Variants in MBTPS1 observed in about 807,000 individuals in gnomAD.
MBTPS1 encodes membrane bound transcription factor peptidase, site 1.
In MBTPS1, 94 loss-of-function variants were observed where a neutral mutation model predicts 127.8. That is an observed-to-expected ratio of 0.74 (90% CI 0.62 to 0.87). The LOEUF is 0.87. Among genes scored for constraint, MBTPS1 ranks in the 40% least tolerant of loss-of-function variants. The probability of loss-of-function intolerance (pLI) is 0.00; values close to 1 mark genes in which losing one functional copy is unlikely to be tolerated. For synonymous variants in MBTPS1, 632 were observed against 509.4 expected (o/e 1.24, Z -3.24); for missense variants, 1,636 against 1,353.2 (o/e 1.21, Z -3.28).
chr16:84,116,554 G>A (rs1336879854), intron 1 of MBTPS1, among the ~76,000 whole-genome samples, 181 bp downstream of exon 1: 1 of 152,182 alleles, frequency 6.6e-6, no homozygotes, highest in Non-Finnish European at 1.5e-5. Flanking sequence ...CCGCAGGGCC[G>A]CGGTACAGGC....
intron 15 of MBTPS1, 68 bp from the exon 16 acceptor site, chr16:84,067,891 C>A (rs1209992590): frequency 2.1e-6 from 3 of 1,460,932 alleles, no homozygotes; most frequent in Admixed American, 1.9e-5. Flanking sequence ...ACGGCAGAAA[C>A]AGTGTCACCA....
At chr16:84,087,006 TGAG>T (rs1233436299) in intron 9 of MBTPS1, among the ~76,000 whole-genome samples, 1 of 152,280 alleles carries the variant, frequency 6.6e-6, no homozygotes, top group East Asian at 1.9e-4. Context: ...CACCTACCAC[TGAG>T]GAGGACTGCT....
At chr16:84,115,180 G>A (rs1282110389) in intron 1 of MBTPS1, among the ~76,000 whole-genome samples, 3 of 152,136 alleles carry the variant, frequency 2.0e-5, no homozygotes, top group Admixed American at 6.5e-5. Context: ...GCCCGCCTCG[G>A]CCTCCCAAAT....
At chr16:84,107,970 T>C (rs995014532) in intron 1 of MBTPS1, among the ~76,000 whole-genome samples, 1 of 141,220 alleles carries the variant, frequency 7.1e-6, no homozygotes, top group Non-Finnish European at 1.5e-5. Context: ...CCTCTCAGAG[T>C]GTTGGGATTA....
Position 84,085,606 on chromosome 16 carries a change from A to T in MBTPS1, c.1135-472T>A, listed in dbSNP as rs558109982. 5.4e-5 allele frequency among the ~76,000 whole-genome samples: 8 copies of T among 148,708 alleles called. No homozygotes were observed. The East Asian group carries it at 1.6e-3, about 31-fold the overall frequency. On this transcript the variant is annotated intron_variant, in intron 9 of 22. Coordinates refer to ENST00000343411, the MANE Select transcript of MBTPS1 (RefSeq NM_003791.4). ...CAAAAAAAAAGAGAAAAAAACAAAG[A>T]AATTCACTACAATACAGAAAATAAG...
intron 2 of MBTPS1, among the ~76,000 whole-genome samples, chr16:84,100,308 G>T (rs891400241): frequency 6.6e-6 from 1 of 152,212 alleles, no homozygotes; most frequent in African/African-American, 2.4e-5. Flanking sequence ...ACTTTGGGAG[G>T]CCAATGCAGG....
chr16:84,095,776 G>T lies in MBTPS1; in HGVS notation c.451C>A (p.Arg151=). ...SDPTVPCNET[R]WSQKWQSSRP... ...GATGATTGCCACTTCTGGCTCCACCGGGTTTCATTGCAGGGTACTGTGGGG... is the reference window on the plus strand; with the variant it reads ...GATGATTGCCACTTCTGGCTCCACCTGGTTTCATTGCAGGGTACTGTGGGG... Residue 151 remains arginine, a synonymous_variant, in exon 4 of 23, where the codon CGG becomes AGG. Coordinates refer to ENST00000343411, the MANE Select transcript of MBTPS1 (RefSeq NM_003791.4). 6.2e-7 allele frequency: 1 copy of T among 1,613,982 alleles called. No homozygotes were observed.
At chr16:84,058,850 T>A (rs999156722) in intron 21 of MBTPS1, among the ~76,000 whole-genome samples, 3 of 152,146 alleles carry the variant, frequency 2.0e-5, no homozygotes, top group African/African-American at 7.2e-5. Context: ...CCAGTCACAG[T>A]CAGCACAGGA....
chr16:84,095,511 T>C, intron 4 of MBTPS1, 91 bp downstream of exon 4: 1 of 1,371,324 alleles, frequency 7.3e-7, no homozygotes, highest in Non-Finnish European at 1.0e-6. Flanking sequence ...GAACATGGAA[T>C]TCCTGCATGT....
In MBTPS1 at chr16:84,087,400, T is replaced by C. The variant is rs2086043902; in HGVS notation, c.1092A>G (p.Glu364=). The C allele has an allele frequency of 1.2e-6, 2 of 1,612,810 alleles. No individual in the cohort carries two copies. Among genetic ancestry groups the C allele is most frequent in the East Asian group, 2.2e-5 (1 of 44,860 alleles). Residue 364 remains glutamate (E), a synonymous_variant, in exon 9 of 23, where the codon GAA becomes GAG. Coordinates refer to ENST00000343411, the MANE Select transcript of MBTPS1 (RefSeq NM_003791.4). ...TTGAAGAAAAGCGGGCGATGTTATC[T>C]TCAAAGTCAATGCCGCCTACTCCAA... ...DVIGVGGIDF[E]DNIARFSSRG...
Position 84,085,223 on chromosome 16 carries a change from A to G in MBTPS1, c.1135-89T>C, listed in dbSNP as rs540912730. Reference sequence around the variant, plus strand: ...GAGTGAATCAAATCAGAACAGAGATATGGGTTAGTTAAAAACTGTATAACC... The same window carrying G: ...GAGTGAATCAAATCAGAACAGAGATGTGGGTTAGTTAAAAACTGTATAACC... On this transcript the variant is annotated intron_variant, in intron 9 of 22. Coordinates refer to ENST00000343411, the MANE Select transcript of MBTPS1 (RefSeq NM_003791.4). 32 of 1,310,878 alleles carry G rather than the reference A, an allele frequency of 2.4e-5. 2 individuals carry two copies. The South Asian group carries it at 4.0e-4, about 17-fold the overall frequency. 81.2% of individuals were successfully genotyped at this position (1,310,878 alleles called of 1,614,324 possible). A position where few individuals can be genotyped will look rare whatever the true frequency, so the allele number is the denominator to read the frequency against.
At chr16:84,090,754 T>C (rs17726447) in intron 8 of MBTPS1, 121 bp downstream of exon 8, 8,847 of 743,366 alleles carry the variant, frequency 0.012, 116 homozygotes, top group South Asian at 0.032. Flanking sequence ...AAAACATCCT[T>C]AAGACAAGTT....
chr16:84,096,156 A>G (rs1223816862), intron 3 of MBTPS1, among the ~76,000 whole-genome samples: 1 of 152,184 alleles, frequency 6.6e-6, no homozygotes, highest in Non-Finnish European at 1.5e-5. Context: ...CTGAACCAGA[A>G]GGGGGAAAAG....
intron 12 of MBTPS1, chr16:84,072,268 A>T (rs1306092019): frequency 6.6e-6 from 1 of 152,284 alleles, no homozygotes; most frequent in Non-Finnish European, 1.5e-5. Context: ...CAGAACAGGC[A>T]AGCCCACAGA....
At chr16:84,055,435 C>T (rs1211527215) in intron 22 of MBTPS1, among the ~76,000 whole-genome samples, 1 of 152,220 alleles carries the variant, frequency 6.6e-6, no homozygotes, top group South Asian at 2.1e-4. Flanking sequence ...CTGGAAAGGC[C>T]TGGTACCAAT....
At chr16:84,073,530 A>G (rs901973950) in intron 12 of MBTPS1, among the ~76,000 whole-genome samples, 1 of 152,198 alleles carries the variant, frequency 6.6e-6, no homozygotes, top group Non-Finnish European at 1.5e-5. Flanking sequence ...AGTATTGCAG[A>G]TAAGGGCTGG....
intron 1 of MBTPS1, among the ~76,000 whole-genome samples, chr16:84,103,209 A>ATT (rs2086280558): frequency 6.6e-6 from 1 of 152,084 alleles, no homozygotes; most frequent in Non-Finnish European, 1.5e-5. Flanking sequence ...GGGTAAATGA[A>ATT]GCAAGAGAGG....
At chr16:84,060,349 A>C in intron 20 of MBTPS1, 1 of 214,744 alleles carries the variant, frequency 4.7e-6, no homozygotes, top group Non-Finnish European at 9.4e-6. Context: ...AGTGCTCTAG[A>C]ATGTTGGTGA....
chr16:84,099,610 C>T (rs902834266), intron 2 of MBTPS1, among the ~76,000 whole-genome samples: 1 of 151,656 alleles, frequency 6.6e-6, no homozygotes, highest in Non-Finnish European at 1.5e-5. Context: ...ATAGTGAAAC[C>T]CCATCTCTAC....
Sources: allele counts gnomAD v4.1 joint callset (sites outside exome capture counted in the v4.1 genomes callset), GRCh38; gene constraint gnomAD v4.1.1; transcripts MANE v1.5; gene names NCBI Gene and HGNC (gene_info 2026-07-23, HGNC 2026-07-21).